MACO1: variants seen among roughly 807,000 people sequenced by gnomAD.
The protein encoded by MACO1 is macoilin 1.
A neutral mutation model predicts 78.7 loss-of-function variants in MACO1; 14 were observed. The ratio of observed to expected loss-of-function variants is 0.18; its 90% CI spans 0.12 to 0.28. The LOEUF (loss-of-function observed/expected upper bound fraction) is 0.28. Among genes scored for constraint, MACO1 ranks in the 10% least tolerant of loss-of-function variants. MACO1 has a pLI of 1.00. For synonymous variants in MACO1, 288 were observed against 291.6 expected (o/e 0.99, Z 0.12); for missense variants, 501 against 799.0 (o/e 0.63, Z 4.50).
At chr1:25,433,164 C>T (rs190903045) in intron 1 of MACO1, among the ~76,000 whole-genome samples, 156 of 152,288 alleles carry the variant, frequency 1.0e-3, no homozygotes, top group Non-Finnish European at 7.6e-4. Flanking sequence ...AAATGTATTT[C>T]TAACTGTCTT....
chr1:25,455,034 G>A (rs1486541420), intron 4 of MACO1, among the ~76,000 whole-genome samples: 2 of 152,256 alleles, frequency 1.3e-5, no homozygotes, highest in East Asian at 3.9e-4. Context: ...AGGAACTGAA[G>A]TGATACATGT....
chr1:25,458,807 A>C lies in MACO1; in HGVS notation c.1069A>C (p.Thr357Pro). Reference protein sequence around the residue: ...SSKNEKKQKCTSKSPSTHKDL... With the variant: ...SSKNEKKQKCPSKSPSTHKDL... ...TAAAAATGAGAAGAAGCAGAAATGCACTAGCAAGAGCCCAAGTACACACAA... is the reference window on the plus strand; with the variant it reads ...TAAAAATGAGAAGAAGCAGAAATGCCCTAGCAAGAGCCCAAGTACACACAA... Residue 357 changes from threonine (T) to proline (P), a missense_variant, in exon 6 of 11, where the codon ACT becomes CCT. Physicochemically the swap from Thr to Pro is conservative, Grantham distance 38 (BLOSUM62 -1). Around this residue, in one of 5 missense-constraint regions of MACO1, gnomAD observed 163 missense variants for 271.9 expected, o/e 0.60. Transcript: ENST00000374343. 6.2e-7 allele frequency: 1 copy of C among 1,614,216 alleles called. No individual in the cohort carries two copies. The highest frequency in any genetic ancestry group is 8.5e-7 in the Non-Finnish European group (1 of 1,180,040).
At chr1:25,446,960 G>A in intron 2 of MACO1, 57 bp downstream of exon 2, 2 of 1,549,924 alleles carry the variant, frequency 1.3e-6, no homozygotes, top group South Asian at 1.2e-5. Flanking sequence ...GTTTAGAGTA[G>A]ATGTTATTAG....
intron 6 of MACO1, among the ~76,000 whole-genome samples, chr1:25,479,465 G>A (rs1371452546): frequency 6.6e-6 from 1 of 151,930 alleles, no homozygotes; most frequent in Non-Finnish European, 1.5e-5. Flanking sequence ...CCAGACTGGA[G>A]TGCAGTGGTG....
intron 10 of MACO1, among the ~76,000 whole-genome samples, chr1:25,492,008 G>T (rs369098386): frequency 9.2e-5 from 14 of 152,252 alleles, no homozygotes; most frequent in African/African-American, 3.4e-4. Context: ...TGAGGAGTTG[G>T]CCCAGTGAAG....
chr1:25,475,891 A>G (rs896950734), intron 6 of MACO1, among the ~76,000 whole-genome samples: 1 of 152,170 alleles, frequency 6.6e-6, no homozygotes, highest in Non-Finnish European at 1.5e-5. Flanking sequence ...CTCTATCATG[A>G]GCATTCTTCC....
At chr1:25,466,151 T>C (rs2043217763) in intron 6 of MACO1, among the ~76,000 whole-genome samples, 1 of 152,230 alleles carries the variant, frequency 6.6e-6, no homozygotes, top group African/African-American at 2.4e-5. Flanking sequence ...CTGGATCAAG[T>C]GGCAGTTTTA....
intron 6 of MACO1, among the ~76,000 whole-genome samples, chr1:25,474,745 A>G (rs911481051): frequency 3.3e-5 from 5 of 152,202 alleles, no homozygotes; most frequent in African/African-American, 7.2e-5. Flanking sequence ...ATATTTTTCT[A>G]CTGTGTTCTC....
intron 1 of MACO1, among the ~76,000 whole-genome samples, chr1:25,434,992 T>G (rs996036862): frequency 9.9e-5 from 15 of 152,142 alleles, no homozygotes; most frequent in African/African-American, 3.4e-4. Flanking sequence ...ATTACTGACT[T>G]TATAATATAA....
intron 3 of MACO1, among the ~76,000 whole-genome samples, chr1:25,453,524 G>A (rs1244406233): frequency 1.3e-5 from 2 of 151,174 alleles, no homozygotes; most frequent in African/African-American, 4.8e-5. Flanking sequence ...TTAGCCGGTC[G>A]TGGTGGTGGG....
chr1:25,456,701 A>C lies in MACO1; in HGVS notation c.522A>C (p.Val174=). ...VTLGFGFKSY[V]SYKMRLRKQK... is the part of the protein sequence containing the mutation. ...TGGGGTTTGGCTTCAAAAGTTACGT[A>C]AGCTACAAAATGCGGTTAAGGAAGC... Residue 174 remains valine, a synonymous_variant, in exon 5 of 11, where the codon GTA becomes GTC. Coordinates refer to ENST00000374343, the MANE Select transcript of MACO1 (RefSeq NM_018202.6). 1 of 1,614,058 alleles carries C rather than the reference A, an allele frequency of 6.2e-7. No individual in the cohort carries two copies. Among genetic ancestry groups the C allele is most frequent in the Non-Finnish European group, 8.5e-7 (1 of 1,179,986 alleles).
intron 6 of MACO1, among the ~76,000 whole-genome samples, chr1:25,464,376 A>C: frequency 1.8e-5 from 2 of 108,402 alleles, no homozygotes; most frequent in East Asian, 2.6e-4. Context: ...ATGGGTTCTC[A>C]CTCTGTCACC....
At chr1:25,445,259 A>G (rs954434909) in intron 1 of MACO1, among the ~76,000 whole-genome samples, 22 of 151,076 alleles carry the variant, frequency 1.5e-4, no homozygotes, top group Admixed American at 1.3e-3. Context: ...TGATCGTGCC[A>G]TTGCACTCCA....
At chr1:25,466,953 T>A (rs376160407) in intron 6 of MACO1, among the ~76,000 whole-genome samples, 3 of 152,226 alleles carry the variant, frequency 2.0e-5, no homozygotes, top group South Asian at 4.1e-4. Flanking sequence ...GGCAGGCCAG[T>A]GCGATCATTC....
intron 3 of MACO1, among the ~76,000 whole-genome samples, chr1:25,452,945 T>C (rs2043080726): frequency 6.6e-6 from 1 of 151,966 alleles, no homozygotes; most frequent in Admixed American, 6.6e-5. Context: ...TCCACCCACC[T>C]TGGCCTCCCA....
At chr1:25,436,871 G>A (rs1235959128) in intron 1 of MACO1, among the ~76,000 whole-genome samples, 1 of 152,108 alleles carries the variant, frequency 6.6e-6, no homozygotes, top group Non-Finnish European at 1.5e-5. Context: ...CTGCCTTTAA[G>A]GATGATATGC....
chr1:25,488,051 G>A (rs2043450564), intron 8 of MACO1, among the ~76,000 whole-genome samples: 1 of 152,082 alleles, frequency 6.6e-6, no homozygotes, highest in Non-Finnish European at 1.5e-5. Flanking sequence ...AATAATTATT[G>A]TATATATGTA....
At chr1:25,454,169 G>T in intron 3 of MACO1, 90 bp from the exon 4 acceptor site, 1 of 1,357,680 alleles carries the variant, frequency 7.4e-7, no homozygotes, top group Non-Finnish European at 9.6e-7. Flanking sequence ...CTTAATGAAA[G>T]TTACTGTCGT....
Position 25,485,013 on chromosome 1 carries a change from A to C in MACO1, c.1314-600A>C, listed in dbSNP as rs1436716937. Among the ~76,000 whole-genome samples, 1 of 152,174 alleles carries C rather than the reference A, an allele frequency of 6.6e-6. No homozygotes were observed. The highest frequency in any genetic ancestry group is 1.9e-4 in the East Asian group (1 of 5,200). On this transcript the variant is annotated intron_variant, in intron 7 of 10. Transcript: ENST00000374343. This position sits in a 1 kb window ranked among gnomAD's most constrained non-coding sequence, Gnocchi z 4.3. ...AACATCCCAGTGATAAACTCACCTCATGCTGATAGGTAAAGCTGGGGGTGG... is the reference window on the plus strand; with the variant it reads ...AACATCCCAGTGATAAACTCACCTCCTGCTGATAGGTAAAGCTGGGGGTGG...
Sources: allele counts gnomAD v4.1 joint callset (sites outside exome capture counted in the v4.1 genomes callset), GRCh38; gene constraint gnomAD v4.1.1; regional missense constraint gnomAD v4.1.1; non-coding constraint Gnocchi (gnomAD v3.1); transcripts MANE v1.5; gene names NCBI Gene and HGNC (gene_info 2026-07-23, HGNC 2026-07-21).